The following PSMA6 variants were observed in gnomAD, a reference collection of about 807,000 sequenced individuals.
The protein encoded by PSMA6 is proteasome 20S subunit alpha 6.
For missense variants in PSMA6, 170 were observed against 294.8 expected (o/e 0.58, Z 3.10); for synonymous variants, 88 against 97.7 (o/e 0.90, Z 0.59).
At chr14:35,310,420 T>G (rs1424020897) in intron 3 of PSMA6, 1 of 354,272 alleles carries the variant, frequency 2.8e-6, no homozygotes, top group Non-Finnish European at 5.4e-6. Context: ...CCTCCCAAAG[T>G]GTTGAGCCAC....
intron 1 of PSMA6, among the ~76,000 whole-genome samples, chr14:35,306,424 C>A (rs60940685): frequency 0.052 from 7,903 of 152,094 alleles, 464 homozygotes; most frequent in African/African-American, 0.14. Flanking sequence ...AAAATTTGGG[C>A]CAGGTGCAGT....
chr14:35,312,471 C>G lies in PSMA6; in HGVS notation c.410-410C>G, dbSNP rs190459424. On this transcript the variant is annotated intron_variant, in intron 4 of 6. Coordinates refer to ENST00000261479, the MANE Select transcript of PSMA6 (RefSeq NM_002791.3). ...GCAGTGAGCCGAGATCGTGCCACTG[C>G]ACTCCAGCCTGGGAGACAGAGCGAG... is the stretch of plus-strand genomic sequence containing the variant. Among the ~76,000 whole-genome samples the G allele has an allele frequency of 1.8e-3, 257 of 139,264 alleles. 2 individuals are homozygous for G. The highest frequency in any genetic ancestry group is 7.1e-3 in the African/African-American group (250 of 35,394). 91.4% of individuals were successfully genotyped at this position (139,264 alleles called of 152,430 possible). A position where few individuals can be genotyped will look rare whatever the true frequency, so the allele number is the denominator to read the frequency against.
intron 3 of PSMA6, chr14:35,310,180 T>C: frequency 2.6e-6 from 1 of 389,206 alleles, no homozygotes; most frequent in South Asian, 1.8e-5. Flanking sequence ...AAGATTATTC[T>C]CTCTCAAGGC....
At chr14:35,308,234 C>A in intron 2 of PSMA6, 146 bp downstream of exon 2, 1 of 973,546 alleles carries the variant, frequency 1.0e-6, no homozygotes, top group Non-Finnish European at 1.4e-6. Context: ...CCAGCGTGAC[C>A]AACATGGAGA....
chr14:35,305,405 G>T lies in PSMA6; in HGVS notation c.77-2589G>T, dbSNP rs529544788. ...CCCACCTTGGCTTCCCAAATTGCTA[G>T]GATTACAGATGTGAGCCACTGCACC... is the stretch of plus-strand genomic sequence containing the variant. On this transcript the variant is annotated intron_variant, in intron 1 of 6. Transcript: ENST00000261479. 2.9e-3 allele frequency among the ~76,000 whole-genome samples: 434 copies of T among 152,248 alleles called. 2 individuals are homozygous for T. The highest frequency in any genetic ancestry group is 0.011 in the South Asian group (53 of 4,826).
intron 1 of PSMA6, chr14:35,293,258 G>T (rs2051523434): frequency 6.1e-6 from 2 of 325,772 alleles, no homozygotes; most frequent in Admixed American, 8.2e-5. Context: ...TTTAAATGCC[G>T]ATTCTGAGTT....
chr14:35,312,902 A>G lies in PSMA6; in HGVS notation c.431A>G (p.Asp144Gly). The G allele has an allele frequency of 6.3e-7, 1 of 1,593,936 alleles. No individual in the cohort carries two copies. The highest frequency in any genetic ancestry group is 1.1e-5 in the South Asian group (1 of 88,578). ...TTAGGTATGATTTTAATTGGTATAG[A>G]TGAAGAGCAAGGCCCTCAGGTATAT... Reference protein sequence around the residue: ...LGCCMILIGIDEEQGPQVYKC... With the variant: ...LGCCMILIGIGEEQGPQVYKC... Residue 144 changes from aspartate (D) to glycine (G), a missense_variant, in exon 5 of 7, where the codon GAT (aspartate) becomes GGT (glycine). Coordinates refer to ENST00000261479, the MANE Select transcript of PSMA6 (RefSeq NM_002791.3).
At chr14:35,316,755 A>G (rs1402834717) in intron 6 of PSMA6, 2 of 154,436 alleles carry the variant, frequency 1.3e-5, no homozygotes, top group African/African-American at 2.4e-5. Context: ...AGTCCCAGCT[A>G]CTCAGGAGGC....
At chr14:35,291,378 T>C (rs879827674), upstream of PSMA6, among the ~76,000 whole-genome samples, 10 of 152,042 alleles carry the variant, frequency 6.6e-5, no homozygotes, top group Non-Finnish European at 1.5e-4. Flanking sequence ...CCACCACGCC[T>C]GGCTAATTTT....
intron 1 of PSMA6, among the ~76,000 whole-genome samples, chr14:35,305,931 A>T (rs2051816855): frequency 6.6e-6 from 1 of 151,642 alleles, no homozygotes; most frequent in African/African-American, 2.4e-5. Context: ...TTTAACTAAA[A>T]ATAAAATAAA....
At chr14:35,283,578 T>C (rs1444658718) in intron 1 of PSMA6, among the ~76,000 whole-genome samples, 1 of 143,178 alleles carries the variant, frequency 7.0e-6, no homozygotes, top group Non-Finnish European at 1.5e-5. Flanking sequence ...TTTTAGGAGA[T>C]GGGGTCTCAC....
At chr14:35,296,881 T>C (rs2051600040) in intron 1 of PSMA6, among the ~76,000 whole-genome samples, 1 of 152,160 alleles carries the variant, frequency 6.6e-6, no homozygotes. Context: ...TAAATACATA[T>C]ATAACTACAC....
At chr14:35,314,190 T>C in intron 5 of PSMA6, 171 bp from the exon 6 acceptor site, 1 of 630,706 alleles carries the variant, frequency 1.6e-6, no homozygotes, top group East Asian at 4.4e-5. Context: ...GAAAAAAATT[T>C]CTCATCATTG....
At chr14:35,312,368 G>A (rs1227611648) in intron 4 of PSMA6, among the ~76,000 whole-genome samples, 4 of 151,864 alleles carry the variant, frequency 2.6e-5, no homozygotes, top group African/African-American at 7.3e-5. Context: ...TTAGCTGGGC[G>A]TGGTGGTGGG....
chr14:35,279,817 T>C (rs1391072186), intron 1 of PSMA6, among the ~76,000 whole-genome samples: 2 of 152,256 alleles, frequency 1.3e-5, no homozygotes, highest in Non-Finnish European at 2.9e-5. Flanking sequence ...TTGTACTTTA[T>C]ACATGTTATA....
At chr14:35,300,232 G>A (rs1410652394) in intron 1 of PSMA6, among the ~76,000 whole-genome samples, 1 of 152,168 alleles carries the variant, frequency 6.6e-6, no homozygotes, top group Non-Finnish European at 1.5e-5. Flanking sequence ...ACTTTGGGAG[G>A]CTAAGGCAGG....
intron 1 of PSMA6, among the ~76,000 whole-genome samples, chr14:35,279,055 G>A (rs2051337393): frequency 6.6e-6 from 1 of 151,626 alleles, no homozygotes; most frequent in Non-Finnish European, 1.5e-5. Flanking sequence ...TCTTTTTTGT[G>A]TGTGTGTTTG....
chr14:35,304,067 G>A (rs2051773212), intron 1 of PSMA6, among the ~76,000 whole-genome samples: 1 of 152,008 alleles, frequency 6.6e-6, no homozygotes, highest in South Asian at 2.1e-4. Context: ...CCACCTCCCA[G>A]GTTCCAGCGA....
At chr14:35,313,229 A>G in intron 5 of PSMA6, 170 bp downstream of exon 5, 2 of 565,246 alleles carry the variant, frequency 3.5e-6, no homozygotes, top group Non-Finnish European at 5.8e-6. Context: ...AGTTGCTTTT[A>G]TTCACTTAAT....
Sources: allele counts gnomAD v4.1 joint callset (sites outside exome capture counted in the v4.1 genomes callset), GRCh38; gene constraint gnomAD v4.1.1; transcripts MANE v1.5; gene names NCBI Gene and HGNC (gene_info 2026-07-23, HGNC 2026-07-21).